PLEKHA6: variants seen among roughly 807,000 people sequenced by gnomAD.
PLEKHA6 encodes pleckstrin homology domain-containing family A member 6.
In PLEKHA6, 60 loss-of-function variants were observed where a neutral mutation model predicts 116.7. That is an observed-to-expected ratio of 0.51 (90% CI 0.42 to 0.64). The LOEUF is 0.64. PLEKHA6 is among the 30% of genes least tolerant of loss of function. The pLI, the probability that PLEKHA6 is intolerant of heterozygous loss-of-function variation, is 0.00. For synonymous variants in PLEKHA6, 489 were observed against 556.1 expected (o/e 0.88, Z 1.70); for missense variants, 1,338 against 1,422.7 (o/e 0.94, Z 0.96).
intron 1 of PLEKHA6, among the ~76,000 whole-genome samples, chr1:204,321,191 C>G (rs1672049550): frequency 6.6e-6 from 1 of 152,108 alleles, no homozygotes; most frequent in Admixed American, 6.5e-5. Context: ...CAGGGGAAGC[C>G]AAAGGCACTG....
chr1:204,261,511 G>C lies in PLEKHA6; in HGVS notation c.382-63C>G. 6.6e-7 allele frequency: 1 copy of C among 1,517,616 alleles called. No homozygotes were observed. The highest frequency in any genetic ancestry group is 8.9e-7 in the Non-Finnish European group (1 of 1,129,042). The allele number at this position is 1,517,616 out of a possible 1,614,324, so 94.0% of individuals were successfully genotyped here. On this transcript the variant is annotated intron_variant, in intron 6 of 22. Transcript: ENST00000272203. This position sits in a 1 kb window ranked among gnomAD's most constrained non-coding sequence, Gnocchi z 4.0. The stretch of plus-strand genomic sequence containing the variant: ...TCATCCACCCAGCACACAGTCACCT[G>C]TTGGGAGAAGACACCAACGCCCACA...
At chr1:204,309,137 A>C in intron 1 of PLEKHA6, 1 of 774,204 alleles carries the variant, frequency 1.3e-6, no homozygotes, top group Non-Finnish European at 1.6e-6. Flanking sequence ...ATTTCTGTTA[A>C]GGGAAATATT....
chr1:204,338,894 A>G (rs1200820226), intron 1 of PLEKHA6, among the ~76,000 whole-genome samples: 1 of 152,186 alleles, frequency 6.6e-6, no homozygotes, highest in Non-Finnish European at 1.5e-5. Flanking sequence ...AGAGTGGAAG[A>G]CCAAAAAGGT....
At chr1:204,244,655 T>C (rs1317082025) in intron 15 of PLEKHA6, among the ~76,000 whole-genome samples, 1 of 152,138 alleles carries the variant, frequency 6.6e-6, no homozygotes, top group Non-Finnish European at 1.5e-5. Flanking sequence ...GAGCTAAAGA[T>C]GACAGATGGA....
chr1:204,303,560 G>T (rs755882220), intron 1 of PLEKHA6, among the ~76,000 whole-genome samples: 9 of 152,158 alleles, frequency 5.9e-5, no homozygotes, highest in Non-Finnish European at 1.3e-4. Context: ...CACCAACCAT[G>T]TGTCTCAGAT....
intron 3 of PLEKHA6, among the ~76,000 whole-genome samples, chr1:204,269,615 C>G (rs774037613): frequency 4.0e-5 from 6 of 151,810 alleles, no homozygotes; most frequent in Non-Finnish European, 8.8e-5. Flanking sequence ...TGCTCCTCCA[C>G]AGAGAAATTT....
chr1:204,294,544 T>C (rs1670081151), intron 1 of PLEKHA6, among the ~76,000 whole-genome samples: 1 of 152,232 alleles, frequency 6.6e-6, no homozygotes, highest in Non-Finnish European at 1.5e-5. Flanking sequence ...TCCCACTTTA[T>C]GTTAGTTGTG....
intron 1 of PLEKHA6, chr1:204,275,821 T>A: frequency 2.0e-6 from 1 of 502,110 alleles, no homozygotes; most frequent in Non-Finnish European, 2.6e-6. Flanking sequence ...CTAGATGAGT[T>A]AAGGGCCTTT....
At chr1:204,237,305 G>T (rs1662201974) in intron 17 of PLEKHA6, among the ~76,000 whole-genome samples, 2 of 152,198 alleles carry the variant, frequency 1.3e-5, no homozygotes, top group Non-Finnish European at 1.5e-5. Context: ...TAGGGTGAGG[G>T]CTATGATGGT....
At chr1:204,348,026 C>G (rs573587533) in intron 1 of PLEKHA6, among the ~76,000 whole-genome samples, 2 of 152,236 alleles carry the variant, frequency 1.3e-5, no homozygotes, top group East Asian at 3.9e-4. Context: ...AACGTACATC[C>G]AACTTGAATT....
chr1:204,321,296 C>T (rs1441398842), intron 1 of PLEKHA6, among the ~76,000 whole-genome samples: 1 of 152,080 alleles, frequency 6.6e-6, no homozygotes, highest in Non-Finnish European at 1.5e-5. Flanking sequence ...CTGCACATGA[C>T]CATAAGGATG....
chr1:204,263,058 G>A (rs571943115), intron 6 of PLEKHA6, among the ~76,000 whole-genome samples: 17 of 152,308 alleles, frequency 1.1e-4, no homozygotes, highest in African/African-American at 3.4e-4. Context: ...AGAACTCGCT[G>A]GGGGCACCAG....
chr1:204,349,656 C>T (rs1673209900), intron 1 of PLEKHA6, among the ~76,000 whole-genome samples: 1 of 152,168 alleles, frequency 6.6e-6, no homozygotes, highest in Admixed American at 6.5e-5. Flanking sequence ...AGACCCAGCT[C>T]GAGCCTTGGC....
At chr1:204,288,146 C>T (rs554317800) in intron 1 of PLEKHA6, among the ~76,000 whole-genome samples, 20 of 152,312 alleles carry the variant, frequency 1.3e-4, no homozygotes, top group African/African-American at 4.8e-4. Context: ...CTAGCCCTGA[C>T]TCCTTTCACA....
intron 1 of PLEKHA6, chr1:204,282,915 C>T: frequency 2.0e-6 from 1 of 498,460 alleles, no homozygotes; most frequent in South Asian, 8.6e-5. Flanking sequence ...AAAAAAGGCC[C>T]CAGCCCCCTC....
chr1:204,366,464 G>A (rs544308713), intron 3 of PLEKHA6, among the ~76,000 whole-genome samples: 6 of 152,184 alleles, frequency 3.9e-5, no homozygotes, highest in African/African-American at 1.4e-4. Flanking sequence ...TTCGCTTTAA[G>A]AATATGGTTA....
At chr1:204,233,816 A>T (rs1163241438) in intron 17 of PLEKHA6, among the ~76,000 whole-genome samples, 1 of 152,168 alleles carries the variant, frequency 6.6e-6, no homozygotes, top group Non-Finnish European at 1.5e-5. Flanking sequence ...CTAGAGTTTC[A>T]TGCATACCAG....
Position 204,257,722 on chromosome 1 carries a change from C to T in PLEKHA6, c.1155G>A (p.Pro385=), listed in dbSNP as rs200206885. The change falls in exon 9 of 23, where the codon CCG becomes CCA. Residue 385 remains proline, a synonymous_variant. Coordinates refer to ENST00000272203, the MANE Select transcript of PLEKHA6 (RefSeq NM_014935.5). The surrounding 1 kb of genome is among the most constrained non-coding windows in gnomAD (Gnocchi z 6.5). ...CSMPAYDRIS[P]PWALEDKRHA... The stretch of plus-strand genomic sequence containing the variant: ...GGCGCTTGTCCTCCAGGGCCCAGGG[C>T]GGGCTGATCCGATCATAGGCCGGCA... 176 of 1,612,812 alleles carry T rather than the reference C, an allele frequency of 1.1e-4. No individual in the cohort carries two copies. Among genetic ancestry groups the T allele is most frequent in the South Asian group, 3.5e-4 (32 of 90,760 alleles).
intron 1 of PLEKHA6, among the ~76,000 whole-genome samples, chr1:204,284,256 G>T (rs988038233): frequency 6.6e-6 from 1 of 152,168 alleles, no homozygotes. Context: ...GCACAGCAAG[G>T]GTTGAGGGGC....
Sources: gnomAD v4.1 joint callset for allele counts (sites outside exome capture counted in the v4.1 genomes callset) on GRCh38, gnomAD v4.1.1 for gene constraint, Gnocchi (gnomAD v3.1) non-coding constraint, MANE v1.5 for transcripts, NCBI Gene and HGNC (gene_info 2026-07-23, HGNC 2026-07-21) for gene names.